MED12: variants seen among roughly 807,000 people sequenced by gnomAD.
MED12 encodes the protein mediator complex subunit 12, also known as mediator of RNA polymerase II transcription subunit 12.
MED12 carries 10 observed loss-of-function variants against 177.7 expected under a neutral mutation model. The ratio of observed to expected loss-of-function variants is 0.06; its 90% CI spans 0.03 to 0.10. The LOEUF is 0.10. MED12 is among the 10% of genes least tolerant of loss of function. MED12 has a pLI of 1.00. For synonymous variants in MED12, 641 were observed against 678.4 expected (o/e 0.94, Z 0.86); for missense variants, 867 against 1,780.8 (o/e 0.49, Z 9.23).
chrX:71,121,518 T>A, intron 6 of MED12, 44 bp from the exon 7 acceptor site: 1 of 1,210,011 alleles, frequency 8.3e-7, no homozygotes, highest in Non-Finnish European at 1.1e-6. Context: ...TAGAGCAGGG[T>A]CCCCTGGAGA....
Position 71,120,218 on chromosome X carries a change from G to C in MED12, c.553+48G>C, listed in dbSNP as rs779729852. On this transcript the variant is annotated intron_variant, in intron 4 of 44. Transcript: ENST00000374080. Reference sequence around the variant, plus strand: ...TGTACTGCTGATGGCTTCAAGGAGTGATAGAGACACCCTTGGAACCATCCT... The same window carrying C: ...TGTACTGCTGATGGCTTCAAGGAGTCATAGAGACACCCTTGGAACCATCCT... 127 of 1,128,552 alleles carry C rather than the reference G, an allele frequency of 1.1e-4. 1 individual carries two copies. The highest frequency in any genetic ancestry group is 2.8e-5 in the Non-Finnish European group (23 of 823,286). The allele number at this position is 1,128,552 out of a possible 1,213,427, so 93.0% of individuals were successfully genotyped here.
Position 71,123,080 on chromosome X carries a change from T to C in MED12, c.1486-15T>C, listed in dbSNP as rs1163726208. ...ACCCCTACCTTACTCCTCCTTCTCT[T>C]CCTTTGTTCTCCAGATCTCCTCAGA... On this transcript the variant is annotated splice_polypyrimidine_tract_variant and intron_variant, in intron 10 of 44. Transcript: ENST00000374080. 1 of 1,211,104 alleles carries C rather than the reference T, an allele frequency of 8.3e-7. No homozygotes were observed. Among genetic ancestry groups the C allele is most frequent in the Admixed American group, 2.2e-5 (1 of 45,967 alleles).
chrX:71,124,447 C>T (rs1169264382), intron 13 of MED12, 59 bp downstream of exon 13: 1 of 960,978 alleles, frequency 1.0e-6, no homozygotes, highest in East Asian at 3.3e-5. Context: ...CTTCATGGCT[C>T]CCAGGGGCCT....
At chrX:71,134,230 CAAAAA>C (rs35646519) in intron 33 of MED12, 122 bp from the exon 34 acceptor site, 18 of 301,117 alleles carry the variant, frequency 6.0e-5, no homozygotes, top group East Asian at 2.0e-4. Flanking sequence ...GACTCCGTCT[CAAAAA>C]AAAAAAAAAA....
chrX:71,124,657 C>A, intron 13 of MED12, 107 bp from the exon 14 acceptor site: 2 of 641,938 alleles, frequency 3.1e-6, no homozygotes, highest in African/African-American at 2.2e-5. Flanking sequence ...AGATCCTGTG[C>A]TTTCCCCAAT....
Position 71,130,082 on chromosome X carries a change from T to C in MED12, c.3915T>C (p.Asn1305=). Residue 1305 remains asparagine, a synonymous_variant, in exon 28 of 45, where the codon AAT becomes AAC. Coordinates refer to ENST00000374080, the MANE Select transcript of MED12 (RefSeq NM_005120.3). ...RCLKSLCEDS[N]DLQDPVLSSA... is the part of the protein sequence containing the mutation. Reference sequence around the variant, plus strand: ...TTAAGTCTCTGTGTGAGGACAGCAATGACCTGCAAGACCCAGTGTTGAGTA... The same window carrying C: ...TTAAGTCTCTGTGTGAGGACAGCAACGACCTGCAAGACCCAGTGTTGAGTA... The C allele has an allele frequency of 8.3e-7, 1 of 1,210,130 alleles. No individual in the cohort carries two copies. Among genetic ancestry groups the C allele is most frequent in the Non-Finnish European group, 1.1e-6 (1 of 894,617 alleles).
chrX:71,125,048 G>A lies in MED12; in HGVS notation c.2128G>A (p.Val710Met), dbSNP rs797045697. 26 of 1,211,094 alleles carry A rather than the reference G, an allele frequency of 2.1e-5. No individual in the cohort carries two copies. The highest frequency in any genetic ancestry group is 2.9e-5 in the Non-Finnish European group (26 of 895,305). The change falls in exon 15 of 45, where the codon GTG (valine) becomes ATG (methionine). Residue 710 changes from valine to methionine, a missense_variant. Transcript: ENST00000374080. ...TGAGAAGCCAGATGTCGAGAAGGAG[G>A]TGAAGCCCCCACCCAAGGAGAAGAT... is the stretch of plus-strand genomic sequence containing the variant. ...SPEKPDVEKE[V>M]KPPPKEKIEG... is the part of the protein sequence containing the mutation.
At chrX:71,131,690 C>T (rs922691865) in intron 29 of MED12, 69 bp downstream of exon 29, 3 of 1,052,655 alleles carry the variant, frequency 2.8e-6, no homozygotes, top group African/African-American at 1.9e-5. Flanking sequence ...AGGCGGTCCA[C>T]CACAGAAGAA....
rs2092309188 is a variant in MED12, at chrX:71,128,678, T to C, written c.3435T>C (p.Asp1145=). 8.3e-7 allele frequency: 1 copy of C among 1,210,396 alleles called. No individual in the cohort carries two copies. The highest frequency in any genetic ancestry group is 3.0e-5 in the East Asian group (1 of 33,848). The change falls in exon 24 of 45, where the codon GAT becomes GAC. Residue 1145 remains aspartate (D), a synonymous_variant. Transcript: ENST00000374080. The stretch of plus-strand genomic sequence containing the variant: ...CTCGGCAGTGTTTGCTCCTGGAAGA[T>C]CTGATTCGCTGTGCTGCCATCCCTT... ...LIARQCLLLE[D]LIRCAAIPSL...
intron 31 of MED12, 78 bp from the exon 32 acceptor site, chrX:71,132,767 C>CCTCTCCTCTTCTCTT (rs1556337819): frequency 7.3e-5 from 48 of 653,426 alleles, no homozygotes; most frequent in Non-Finnish European, 1.0e-4. Flanking sequence ...CCTCTTCTCT[C>CCTCTCCTCTTCTCTT]CTCTTCTCTT....
At chrX:71,137,104 CCT>C (rs2092334532) in intron 38 of MED12, 75 bp downstream of exon 38, 8 of 1,188,450 alleles carry the variant, frequency 6.7e-6, no homozygotes. Context: ...ATGCCATTCC[CCT>C]GAGGAGCTAT....
intron 28 of MED12, among the ~76,000 whole-genome samples, chrX:71,131,110 C>G (rs953055052): frequency 9.6e-6 from 1 of 104,476 alleles, no homozygotes; most frequent in South Asian, 4.1e-4. Context: ...CTAGTTTGGA[C>G]TATTTAAATG....
intron 41 of MED12, among the ~76,000 whole-genome samples, chrX:71,138,942 T>G (rs1347851655): frequency 9.0e-5 from 10 of 111,117 alleles, no homozygotes; most frequent in African/African-American, 2.6e-4. Context: ...TGTAACCATG[T>G]ATAGAGACTC....
chrX:71,141,526 C>T (rs984204820), intron 43 of MED12, among the ~76,000 whole-genome samples, 156 bp downstream of exon 43: 38 of 112,318 alleles, frequency 3.4e-4, no homozygotes, highest in Admixed American at 7.5e-4. Context: ...CAGTGGCTCA[C>T]GCCTGTAATC....
At chrX:71,139,921 C>T (rs912196188) in intron 41 of MED12, among the ~76,000 whole-genome samples, 2 of 109,342 alleles carry the variant, frequency 1.8e-5, no homozygotes, top group African/African-American at 6.7e-5. Flanking sequence ...AGACTTGAGA[C>T]GGGGAGCCTG....
chrX:71,129,070 A>G, intron 24 of MED12, 44 bp from the exon 25 acceptor site: 1 of 1,053,313 alleles, frequency 9.5e-7, no homozygotes, highest in East Asian at 3.0e-5. Flanking sequence ...ACCCACATAC[A>G]GTTTAACTTC....
At chrX:71,122,960 A>G (rs899503523) in intron 10 of MED12, 86 bp downstream of exon 10, 30 of 1,149,157 alleles carry the variant, frequency 2.6e-5, no homozygotes, top group Non-Finnish European at 3.6e-5. Flanking sequence ...AGGCATTGAA[A>G]GCAGAGCATA....
At position 71,137,913 on chromosome X, in the gene MED12, C is replaced by T. The variant is rs749856104; in HGVS notation, c.6014C>T (p.Thr2005Ile). The change falls in exon 41 of 45, where the codon ACC becomes ATC. Residue 2005 changes from threonine (T) to isoleucine (I), a missense_variant. Thr to Ile is a moderately conservative substitution (Grantham distance 89). Coordinates refer to ENST00000374080, the MANE Select transcript of MED12 (RefSeq NM_005120.3). ...GGCTATGTGCACCAGCAGGCCCCCA[C>T]CTATGGACATGGACTGACCTCCACT... ...PSGYVHQQAPTYGHGLTSTQR... is the reference protein window; with the variant it reads ...PSGYVHQQAPIYGHGLTSTQR... The T allele has an allele frequency of 2.5e-6, 3 of 1,209,673 alleles. No homozygotes were observed. In the South Asian group the frequency reaches 5.3e-5, roughly 21 times the overall value.
In MED12 at chrX:71,136,515, C is replaced by T. The variant is rs1428158800; in HGVS notation, c.5260C>T (p.Pro1754Ser). 1.7e-6 allele frequency: 2 copies of T among 1,202,127 alleles called. No individual in the cohort carries two copies. The highest frequency in any genetic ancestry group is 1.7e-5 in the African/African-American group (1 of 57,507). The change falls in exon 37 of 45, where the codon CCT becomes TCT. Residue 1754 changes from proline (P) to serine (S), a missense_variant. Pro to Ser is a moderately conservative substitution (Grantham distance 74). This residue lies in a region of MED12 where 236 missense variants were observed against 345.2 expected (regional missense o/e 0.68). Transcript: ENST00000374080. ...CCCAGAAGATGAGGAGCCGCCTGCTCCTACCCTGCTAGAGCCTGAGAAAAA... is the reference window on the plus strand; with the variant it reads ...CCCAGAAGATGAGGAGCCGCCTGCTTCTACCCTGCTAGAGCCTGAGAAAAA... Reference protein sequence around the residue: ...LPPEDEEPPAPTLLEPEKKAP... With the variant: ...LPPEDEEPPASTLLEPEKKAP...
Sources: gnomAD v4.1 joint callset for allele counts (sites outside exome capture counted in the v4.1 genomes callset) on GRCh38, gnomAD v4.1.1 for gene constraint, gnomAD v4.1.1 regional missense constraint, MANE v1.5 for transcripts, NCBI Gene and HGNC (gene_info 2026-07-23, HGNC 2026-07-21) for gene names.